PLEKHB2: variants seen among roughly 807,000 people sequenced by gnomAD.
PLEKHB2 encodes the protein pleckstrin homology domain-containing family B member 2.
A neutral mutation model predicts 36.5 loss-of-function variants in PLEKHB2; 31 were observed. The ratio of observed to expected loss-of-function variants is 0.85; its 90% CI spans 0.64 to 1.15. The LOEUF (loss-of-function observed/expected upper bound fraction) is 1.15. Among genes scored for constraint, PLEKHB2 ranks in the 50% most tolerant of loss-of-function variants. The pLI is 0.00. For missense variants in PLEKHB2, 262 were observed against 295.3 expected, an observed-to-expected ratio of 0.89 and a Z score of 0.83; for synonymous variants, 119 against 112.0, an observed-to-expected ratio of 1.06 and a Z score of -0.39.
At chr2:131,137,083 A>T (rs1030064748) in intron 6 of PLEKHB2, among the ~76,000 whole-genome samples, 21 of 150,932 alleles carry the variant, frequency 1.4e-4, no homozygotes, top group African/African-American at 3.9e-4. Context: ...AGTAGCGGGG[A>T]CTACAGGCGC....
chr2:131,146,462 C>T (rs1254370676), intron 7 of PLEKHB2, among the ~76,000 whole-genome samples, 175 bp from the exon 8 acceptor site: 2 of 152,124 alleles, frequency 1.3e-5, no homozygotes, highest in Non-Finnish European at 2.9e-5. Context: ...GGTTTCCTCC[C>T]AGTGTGCGGT....
rs141672445 is a variant in PLEKHB2 at position 131,135,078 on chromosome 2, C to A, written c.423+2087C>A. ...TGATCTTGCAGCTTGTAAACTTTCT[C>A]TTTTTTTTTTGAGACAGAGTGTCTC... On this transcript the variant is annotated intron_variant, in intron 6 of 7. Coordinates refer to ENST00000693505, the MANE Select transcript of PLEKHB2 (RefSeq NM_001100623.2). Among the ~76,000 whole-genome samples, 1,038 of 148,644 alleles carry A rather than the reference C, an allele frequency of 7.0e-3. 9 individuals carry two copies. Among genetic ancestry groups the A allele is most frequent in the African/African-American group, 0.024 (959 of 40,688 alleles).
Position 131,125,743 on chromosome 2 carries a change from T to G in PLEKHB2, c.38-10T>G, listed in dbSNP as rs545339825. Reference sequence around the variant, plus strand: ...AAAAAAAAAACAACCGTACTATTTTTTTTTTCCAGGTACTATTTTGAAGCG... The same window carrying G: ...AAAAAAAAAACAACCGTACTATTTTGTTTTTCCAGGTACTATTTTGAAGCG... On this transcript the variant is annotated splice_polypyrimidine_tract_variant and intron_variant, in intron 2 of 7. Transcript: ENST00000693505. 8.2e-6 allele frequency: 13 copies of G among 1,585,270 alleles called. No individual in the cohort carries two copies. In the East Asian group the frequency reaches 2.7e-4, roughly 33 times the overall value.
intron 7 of PLEKHB2, chr2:131,144,490 CCT>C: frequency 2.4e-5 from 17 of 718,038 alleles, no homozygotes; most frequent in African/African-American, 3.7e-5. Context: ...GGACTATAGT[CCT>C]CCCATCCTCC....
At chr2:131,123,481 C>T (rs1390657425) in intron 2 of PLEKHB2, among the ~76,000 whole-genome samples, 1 of 152,134 alleles carries the variant, frequency 6.6e-6, no homozygotes, top group Non-Finnish European at 1.5e-5. Flanking sequence ...ACTCCCTGAC[C>T]CAGTGGTTCC....
chr2:131,123,031 A>G (rs1696679109), intron 2 of PLEKHB2, among the ~76,000 whole-genome samples: 1 of 152,192 alleles, frequency 6.6e-6, no homozygotes, highest in Admixed American at 6.5e-5. Context: ...TGCTCTGTCA[A>G]CATAGTGATC....
At chr2:131,143,745 G>A (rs1444949399) in intron 7 of PLEKHB2, among the ~76,000 whole-genome samples, 1 of 152,184 alleles carries the variant, frequency 6.6e-6, no homozygotes, top group Non-Finnish European at 1.5e-5. Context: ...GGGATCCCAT[G>A]GGATGGAGAG....
chr2:131,119,444 G>A (rs192062249), intron 1 of PLEKHB2, among the ~76,000 whole-genome samples: 111 of 152,338 alleles, frequency 7.3e-4, no homozygotes, highest in African/African-American at 2.5e-3. Context: ...CGCCTTGCCT[G>A]CCTGGTGATC....
At chr2:131,118,934 G>C (rs1324978406) in intron 1 of PLEKHB2, 2 of 138,980 alleles carry the variant, frequency 1.4e-5, no homozygotes, top group African/African-American at 5.3e-5. Context: ...CATGGTCTCA[G>C]CTTCCAGATA....
intron 6 of PLEKHB2, among the ~76,000 whole-genome samples, chr2:131,134,267 A>G (rs1409627888): frequency 6.6e-6 from 1 of 150,696 alleles, no homozygotes; most frequent in Non-Finnish European, 1.5e-5. Context: ...GCTCACCACA[A>G]CCTCCACCTC....
At chr2:131,115,100 C>CAAATGAGG (rs1032062951) in intron 1 of PLEKHB2, among the ~76,000 whole-genome samples, 11 of 152,086 alleles carry the variant, frequency 7.2e-5, no homozygotes, top group African/African-American at 2.4e-4. Context: ...TGGTGGAAGG[C>CAAATGAGG]AAATGAGGAA....
chr2:131,118,578 A>T (rs1696117465), intron 1 of PLEKHB2, among the ~76,000 whole-genome samples: 1 of 152,156 alleles, frequency 6.6e-6, no homozygotes, highest in Admixed American at 6.5e-5. Context: ...AAAAAAGCTA[A>T]AGCAAGGCCA....
chr2:131,126,809 T>C, intron 4 of PLEKHB2, 23 bp downstream of exon 4: 1 of 1,312,112 alleles, frequency 7.6e-7, no homozygotes, highest in Non-Finnish European at 1.1e-6. Context: ...TTCTTATGTG[T>C]TTAATTTAAA....
At chr2:131,125,676 A>G in intron 2 of PLEKHB2, 77 bp from the exon 3 acceptor site, 1 of 1,206,964 alleles carries the variant, frequency 8.3e-7, no homozygotes, top group Non-Finnish European at 1.2e-6. Flanking sequence ...GTGAATAGCC[A>G]CTGCATTCCA....
At position 131,148,177 on chromosome 2, in the gene PLEKHB2, T is replaced by C. The variant is rs1280840662; in HGVS notation, c.*1404T>C. On this transcript the variant is annotated 3_prime_UTR_variant, in exon 8 of 8. Coordinates refer to ENST00000693505, the MANE Select transcript of PLEKHB2 (RefSeq NM_001100623.2). ...GGACCCTCAGGACACAGGGACCGGCTCAAGGTACCACTCAGCCTGGCCAGG... is the reference window on the plus strand; with the variant it reads ...GGACCCTCAGGACACAGGGACCGGCCCAAGGTACCACTCAGCCTGGCCAGG... The C allele has an allele frequency of 1.3e-5, 2 of 152,214 alleles. No homozygotes were observed. Among genetic ancestry groups the C allele is most frequent in the Non-Finnish European group, 2.9e-5 (2 of 68,090 alleles). 9.4% of individuals were successfully genotyped at this position (152,214 alleles called of 1,614,324 possible).
intron 1 of PLEKHB2, among the ~76,000 whole-genome samples, chr2:131,108,262 C>T (rs1285727886): frequency 2.0e-5 from 3 of 152,158 alleles, no homozygotes; most frequent in Non-Finnish European, 2.9e-5. Context: ...TTGAATATGG[C>T]TTACATTTTA....
intron 7 of PLEKHB2, among the ~76,000 whole-genome samples, chr2:131,144,943 T>C (rs1699134789): frequency 6.6e-6 from 1 of 152,258 alleles, no homozygotes; most frequent in South Asian, 2.1e-4. Flanking sequence ...CGTAATTCCC[T>C]AGTTTTGAAA....
At chr2:131,107,558 AAG>A (rs1446680010) in intron 1 of PLEKHB2, 1 of 152,244 alleles carries the variant, frequency 6.6e-6, no homozygotes, top group South Asian at 2.1e-4. Flanking sequence ...TTTATAGCGA[AAG>A]AGAGCTGGAG....
chr2:131,114,324 TC>T (rs1472395370), intron 1 of PLEKHB2, among the ~76,000 whole-genome samples: 2 of 152,192 alleles, frequency 1.3e-5, no homozygotes, highest in South Asian at 2.1e-4. Flanking sequence ...CGGGGTTTCA[TC>T]GTGTTAGCCA....
Sources: gnomAD v4.1 joint callset for allele counts (sites outside exome capture counted in the v4.1 genomes callset) on GRCh38, gnomAD v4.1.1 for gene constraint, MANE v1.5 for transcripts, NCBI Gene and HGNC (gene_info 2026-07-23, HGNC 2026-07-21) for gene names.